Variants in MDGA2 observed in about 807,000 individuals in gnomAD.
MDGA2 encodes the protein MAM domain-containing glycosylphosphatidylinositol anchor protein 2.
Under a neutral mutation model 117.8 loss-of-function variants are expected in MDGA2, and 40 were observed. That is an observed-to-expected ratio of 0.34 (90% CI 0.26 to 0.44). The LOEUF is 0.44. Among genes scored for constraint, MDGA2 ranks in the 20% least tolerant of loss-of-function variants. The pLI is 1.00. For synonymous variants in MDGA2, 452 were observed against 439.0 expected, an observed-to-expected ratio of 1.03 and a Z score of -0.37; for missense variants, 1,123 against 1,250.6, an observed-to-expected ratio of 0.90 and a Z score of 1.54.
At chr14:47,098,234 T>G (rs1161670708) in intron 5 of MDGA2, among the ~76,000 whole-genome samples, 1 of 137,038 alleles carries the variant, frequency 7.3e-6, no homozygotes, top group African/African-American at 2.7e-5. Flanking sequence ...AGACTACTTG[T>G]GAAGTTCAAA....
At chr14:47,248,729 AAC>A (rs1400033692) in intron 2 of MDGA2, among the ~76,000 whole-genome samples, 2 of 152,166 alleles carry the variant, frequency 1.3e-5, no homozygotes, top group South Asian at 2.1e-4. Flanking sequence ...AGAAAACAAA[AAC>A]AGTTTGCTTA....
intron 9 of MDGA2, among the ~76,000 whole-genome samples, chr14:46,942,058 T>C (rs1254645176): frequency 9.9e-5 from 15 of 152,186 alleles, no homozygotes; most frequent in Admixed American, 9.8e-4. Flanking sequence ...TACCAACAAA[T>C]TGGGTCTTTC....
At chr14:47,313,812 G>A (rs1253497220) in intron 1 of MDGA2, among the ~76,000 whole-genome samples, 1 of 152,046 alleles carries the variant, frequency 6.6e-6, no homozygotes, top group East Asian at 1.9e-4. Flanking sequence ...ACAGTTGTGG[G>A]GGGAAGCAGT....
intron 1 of MDGA2, among the ~76,000 whole-genome samples, chr14:47,440,275 T>A (rs1892980000): frequency 6.6e-6 from 1 of 152,106 alleles, no homozygotes; most frequent in Non-Finnish European, 1.5e-5. Context: ...GACGTATAAA[T>A]ATCTGGCCCC....
At chr14:46,951,774 T>C (rs1288068436) in intron 9 of MDGA2, among the ~76,000 whole-genome samples, 4 of 151,978 alleles carry the variant, frequency 2.6e-5, no homozygotes, top group Admixed American at 6.6e-5. Flanking sequence ...TGCAGCCTTG[T>C]GAGACCCAGA....
intron 2 of MDGA2, among the ~76,000 whole-genome samples, chr14:47,295,944 A>C (rs1889055006): frequency 6.7e-6 from 1 of 148,774 alleles, no homozygotes; most frequent in African/African-American, 2.5e-5. Context: ...ATAGATAGAT[A>C]GATAGATAGA....
intron 7 of MDGA2, among the ~76,000 whole-genome samples, chr14:47,044,330 A>T (rs557639340): frequency 6.6e-6 from 1 of 152,294 alleles, no homozygotes; most frequent in South Asian, 2.1e-4. Context: ...GGATACAGTA[A>T]TGATGCAAGG....
intron 5 of MDGA2, among the ~76,000 whole-genome samples, chr14:47,099,019 T>C (rs985142371): frequency 2.0e-5 from 3 of 151,950 alleles, no homozygotes; most frequent in African/African-American, 7.2e-5. Context: ...CACAACATTG[T>C]TAAAAATGTT....
chr14:47,149,720 C>G (rs1241263222), intron 3 of MDGA2, among the ~76,000 whole-genome samples: 1 of 152,198 alleles, frequency 6.6e-6, no homozygotes, highest in East Asian at 1.9e-4. Context: ...AAGAGCCATC[C>G]TAGCAGTGTA....
intron 1 of MDGA2, among the ~76,000 whole-genome samples, chr14:47,560,622 T>G (rs2138797541): frequency 6.6e-6 from 1 of 152,304 alleles, no homozygotes; most frequent in Non-Finnish European, 1.5e-5. Context: ...CTTTGTCAGG[T>G]GCACAGTTTG....
intron 6 of MDGA2, among the ~76,000 whole-genome samples, chr14:47,080,246 T>C (rs34389077): frequency 0.33 from 49,517 of 151,886 alleles, 8,602 homozygotes; most frequent in East Asian, 0.52. Flanking sequence ...AGACTAAGAG[T>C]AGTAAAAATA....
chr14:46,947,201 G>A (rs1250132562), intron 9 of MDGA2, among the ~76,000 whole-genome samples: 1 of 151,968 alleles, frequency 6.6e-6, no homozygotes, highest in Non-Finnish European at 1.5e-5. Context: ...TTATTTGCAT[G>A]CAAAATTCTT....
At chr14:47,624,016 T>C (rs1897096618) in intron 1 of MDGA2, among the ~76,000 whole-genome samples, 2 of 152,242 alleles carry the variant, frequency 1.3e-5, no homozygotes. Flanking sequence ...TATTAATCTA[T>C]GTTAGCCTTA....
At chr14:47,444,849 C>T (rs72685894) in intron 1 of MDGA2, among the ~76,000 whole-genome samples, 4,224 of 152,174 alleles carry the variant, frequency 0.028, 113 homozygotes, top group Non-Finnish European at 0.035. Context: ...CTAAACCTTA[C>T]TTTTCTCAAG....
intron 1 of MDGA2, among the ~76,000 whole-genome samples, chr14:47,362,217 G>C (rs961562612): frequency 6.6e-6 from 1 of 152,022 alleles, no homozygotes; most frequent in Non-Finnish European, 1.5e-5. Context: ...CATCTTCATG[G>C]ATTTTGAAGT....
chr14:47,360,735 G>A (rs79866094), intron 1 of MDGA2, among the ~76,000 whole-genome samples: 1,909 of 152,172 alleles, frequency 0.013, 47 homozygotes, highest in African/African-American at 0.043. Flanking sequence ...ATACCCAAAG[G>A]AAATGAAATC....
intron 1 of MDGA2, among the ~76,000 whole-genome samples, chr14:47,342,308 GTGTA>G (rs1890654692): frequency 6.8e-6 from 1 of 147,806 alleles, no homozygotes; most frequent in African/African-American, 2.5e-5. Flanking sequence ...ATAAATATGT[GTGTA>G]TATATATTTA....
intron 1 of MDGA2, among the ~76,000 whole-genome samples, chr14:47,426,721 TA>T (rs1892699147): frequency 6.7e-6 from 1 of 148,710 alleles, no homozygotes; most frequent in African/African-American, 2.4e-5. Flanking sequence ...TACATATATG[TA>T]TCTCACGCAG....
chr14:46,980,676 T>A (rs192910557), intron 8 of MDGA2, among the ~76,000 whole-genome samples: 1 of 152,296 alleles, frequency 6.6e-6, no homozygotes, highest in Admixed American at 6.5e-5. Context: ...CAGCCTTCAG[T>A]AACCACCACC....
Sources: allele counts gnomAD v4.1 joint callset (sites outside exome capture counted in the v4.1 genomes callset), GRCh38; gene constraint gnomAD v4.1.1; transcripts MANE v1.5; gene names NCBI Gene and HGNC (gene_info 2026-07-23, HGNC 2026-07-21).